The following BRINP2 variants were observed in gnomAD, a reference collection of about 807,000 sequenced individuals.
BRINP2 encodes BMP/retinoic acid-inducible neural-specific protein 2.
A neutral mutation model predicts 69.2 loss-of-function variants in BRINP2; 21 were observed. The ratio of observed to expected loss-of-function variants is 0.30; its 90% CI spans 0.22 to 0.44. The LOEUF (loss-of-function observed/expected upper bound fraction) is 0.44. Ranked by LOEUF, BRINP2 falls within the 20% of genes least tolerant of loss-of-function variation. The pLI is 1.00. For missense variants in BRINP2, 877 were observed against 986.0 expected, an observed-to-expected ratio of 0.89 and a Z score of 1.48; for synonymous variants, 380 against 394.1, an observed-to-expected ratio of 0.96 and a Z score of 0.42.
chr1:177,270,869 A>G (rs998346314), intron 4 of BRINP2, among the ~76,000 whole-genome samples: 1 of 152,162 alleles, frequency 6.6e-6, no homozygotes, highest in East Asian at 1.9e-4. Flanking sequence ...GGCTCTTCAT[A>G]TGGGGAATTC....
intron 1 of BRINP2, among the ~76,000 whole-genome samples, chr1:177,196,236 T>C (rs920862446): frequency 4.6e-5 from 7 of 152,222 alleles, no homozygotes; most frequent in African/African-American, 1.4e-4. Context: ...AATCACCTAA[T>C]GAACCTTGGA....
In BRINP2 at chr1:177,277,574, C is replaced by T. The variant is rs1458000029; in HGVS notation, c.1013-989C>T. Among the ~76,000 whole-genome samples the T allele has an allele frequency of 2.0e-5, 3 of 151,310 alleles. No homozygotes were observed. The East Asian group carries it at 5.8e-4, about 29-fold the overall frequency. Reference sequence around the variant, plus strand: ...TTACTAGGCATGATTCTCCAATCTTCTGAGGAGATGAGGAACCAGGTACAT... The same window carrying T: ...TTACTAGGCATGATTCTCCAATCTTTTGAGGAGATGAGGAACCAGGTACAT... On this transcript the variant is annotated intron_variant, in intron 6 of 7. Coordinates refer to ENST00000361539, the MANE Select transcript of BRINP2 (RefSeq NM_021165.4).
intron 5 of BRINP2, 37 bp downstream of exon 5, chr1:177,273,630 C>A (rs1044864401): frequency 7.7e-7 from 1 of 1,301,284 alleles, no homozygotes; most frequent in Non-Finnish European, 1.0e-6. Flanking sequence ...ACCTTTCACA[C>A]CTGATTTAAA....
At chr1:177,246,822 A>C (rs971243211) in intron 2 of BRINP2, among the ~76,000 whole-genome samples, 1 of 152,238 alleles carries the variant, frequency 6.6e-6, no homozygotes, top group African/African-American at 2.4e-5. Flanking sequence ...ATCATGTCTT[A>C]TTCATTATAG....
chr1:177,275,927 C>T (rs940383997), intron 5 of BRINP2, among the ~76,000 whole-genome samples: 4 of 152,222 alleles, frequency 2.6e-5, no homozygotes, highest in Admixed American at 6.5e-5. Context: ...ATGATATGCA[C>T]GCTCTCAATT....
chr1:177,188,502 G>T (rs568688411), intron 1 of BRINP2, among the ~76,000 whole-genome samples: 209 of 152,290 alleles, frequency 1.4e-3, no homozygotes, highest in African/African-American at 4.8e-3. Flanking sequence ...AGGATTAAAT[G>T]GGATGGTCAG....
chr1:177,185,083 C>T (rs569958573), intron 1 of BRINP2, among the ~76,000 whole-genome samples: 1 of 152,158 alleles, frequency 6.6e-6, no homozygotes, highest in East Asian at 1.9e-4. Flanking sequence ...TGAAATGTTA[C>T]CCATACTCGG....
intron 2 of BRINP2, among the ~76,000 whole-genome samples, chr1:177,245,422 C>A (rs550194746): frequency 6.6e-6 from 1 of 152,250 alleles, no homozygotes; most frequent in South Asian, 2.1e-4. Flanking sequence ...GGGGCTATTT[C>A]TTTGCAAAAG....
At chr1:177,176,372 T>G (rs1648086217) in intron 1 of BRINP2, among the ~76,000 whole-genome samples, 1 of 152,128 alleles carries the variant, frequency 6.6e-6, no homozygotes, top group Non-Finnish European at 1.5e-5. Context: ...TCATCAATAT[T>G]TTTAATCTTC....
rs369712705 is a variant in BRINP2, at chr1:177,185,939, G to A, written c.-77+14207G>A. Among the ~76,000 whole-genome samples the A allele has an allele frequency of 3.9e-5, 6 of 152,310 alleles. No individual in the cohort carries two copies. In the East Asian group the frequency reaches 9.6e-4, roughly 24 times the overall value. On this transcript the variant is annotated intron_variant, in intron 1 of 7. Coordinates refer to ENST00000361539, the MANE Select transcript of BRINP2 (RefSeq NM_021165.4). ...TGCCGCAGGATACTCCTTTATACAT[G>A]AAGGCCTGTGATCATTGCCCTTTAT...
At chr1:177,248,956 G>T (rs1339872386) in intron 2 of BRINP2, among the ~76,000 whole-genome samples, 1 of 152,090 alleles carries the variant, frequency 6.6e-6, no homozygotes, top group Non-Finnish European at 1.5e-5. Context: ...GCATGGCTAT[G>T]GTTCAACTCT....
intron 2 of BRINP2, among the ~76,000 whole-genome samples, chr1:177,244,749 G>T (rs1018422210): frequency 6.6e-6 from 1 of 152,150 alleles, no homozygotes; most frequent in East Asian, 1.9e-4. Flanking sequence ...TTCTTCTAGT[G>T]GTGTTTATTC....
chr1:177,233,931 C>T (rs1205867158), intron 2 of BRINP2, among the ~76,000 whole-genome samples: 1 of 152,164 alleles, frequency 6.6e-6, no homozygotes, highest in Non-Finnish European at 1.5e-5. Context: ...TGGTTAAGCC[C>T]TCCTAGATAA....
At chr1:177,200,076 G>A (rs1378704569) in intron 1 of BRINP2, among the ~76,000 whole-genome samples, 1 of 152,022 alleles carries the variant, frequency 6.6e-6, no homozygotes, top group Admixed American at 6.5e-5. Flanking sequence ...GGGATCATCT[G>A]TGGTCAGGAG....
At chr1:177,210,658 A>T (rs1649196271) in intron 1 of BRINP2, among the ~76,000 whole-genome samples, 1 of 152,192 alleles carries the variant, frequency 6.6e-6, no homozygotes, top group Non-Finnish European at 1.5e-5. Flanking sequence ...AGTTAAAAAC[A>T]TACTCAGTTC....
intron 1 of BRINP2, among the ~76,000 whole-genome samples, chr1:177,206,956 G>A (rs1173159615): frequency 6.6e-6 from 1 of 152,182 alleles, no homozygotes; most frequent in African/African-American, 2.4e-5. Context: ...TACATATGGT[G>A]TTAGAGTTAG....
Position 177,175,345 on chromosome 1 carries a change from C to G in BRINP2, c.-77+3613C>G, listed in dbSNP as rs187799293. Among the ~76,000 whole-genome samples, 296 of 152,260 alleles carry G rather than the reference C, an allele frequency of 1.9e-3. 2 individuals are homozygous for G. Among genetic ancestry groups the G allele is most frequent in the Non-Finnish European group, 2.4e-4 (16 of 68,032 alleles). On this transcript the variant is annotated intron_variant, in intron 1 of 7. Transcript: ENST00000361539. ...GCTGTACCACAGGGCACTGTGCTTG[C>G]TCAGCTGGGCAGGAGAGGGGAGAGG...
intron 1 of BRINP2, among the ~76,000 whole-genome samples, chr1:177,224,868 C>T (rs1329165495): frequency 6.6e-6 from 1 of 152,180 alleles, no homozygotes; most frequent in African/African-American, 2.4e-5. Flanking sequence ...ATATTACTCT[C>T]ATACCTATTT....
At chr1:177,204,950 C>T (rs1478812816) in intron 1 of BRINP2, among the ~76,000 whole-genome samples, 1 of 152,092 alleles carries the variant, frequency 6.6e-6, no homozygotes, top group Non-Finnish European at 1.5e-5. Flanking sequence ...TCTTGTATGG[C>T]ATACTTTTAA....
Sources: allele counts gnomAD v4.1 joint callset (sites outside exome capture counted in the v4.1 genomes callset), GRCh38; gene constraint gnomAD v4.1.1; transcripts MANE v1.5; gene names NCBI Gene and HGNC (gene_info 2026-07-23, HGNC 2026-07-21).